The following GALNT7 variants were observed in gnomAD, a reference collection of about 807,000 sequenced individuals.
GALNT7 encodes N-acetylgalactosaminyltransferase 7.
In GALNT7, 60 loss-of-function variants were observed where a neutral mutation model predicts 82.1. That is an observed-to-expected ratio of 0.73 (90% CI 0.59 to 0.91). The LOEUF is 0.91. Ranked by LOEUF, GALNT7 falls within the 40% of genes least tolerant of loss-of-function variation. The pLI, the probability that GALNT7 is intolerant of heterozygous loss-of-function variation, is 0.00. For synonymous variants in GALNT7, 243 were observed against 275.1 expected (o/e 0.88, Z 1.15); for missense variants, 660 against 804.2 (o/e 0.82, Z 2.17).
At chr4:173,231,206 G>A (rs946001409) in intron 1 of GALNT7, among the ~76,000 whole-genome samples, 15 of 152,088 alleles carry the variant, frequency 9.9e-5, no homozygotes, top group Non-Finnish European at 2.1e-4. Flanking sequence ...CACATTGAAG[G>A]AACAAAACAC....
chr4:173,205,304 A>G (rs1579909253), intron 1 of GALNT7, among the ~76,000 whole-genome samples: 1 of 150,884 alleles, frequency 6.6e-6, no homozygotes, highest in African/African-American at 2.4e-5. Flanking sequence ...GTCCTGGGGT[A>G]GGTCTTGAGT....
intron 1 of GALNT7, among the ~76,000 whole-genome samples, chr4:173,220,060 C>G (rs1733594323): frequency 1.3e-5 from 2 of 152,146 alleles, no homozygotes; most frequent in Admixed American, 6.5e-5. Flanking sequence ...GTCATGAAGT[C>G]TTTGCCTAAC....
chr4:173,174,966 T>G, intron 1 of GALNT7, among the ~76,000 whole-genome samples: 1 of 152,238 alleles, frequency 6.6e-6, no homozygotes, highest in South Asian at 2.1e-4. Flanking sequence ...AATAGTAAAT[T>G]GGAGAAAGAG....
chr4:173,190,223 G>A lies in GALNT7; in HGVS notation c.126+21262G>A, dbSNP rs10013780. Among the ~76,000 whole-genome samples the A allele has an allele frequency of 2.8e-3, 431 of 152,220 alleles. 2 individuals are homozygous for A. The highest frequency in any genetic ancestry group is 0.01 in the African/African-American group (416 of 41,532). On this transcript the variant is annotated intron_variant, in intron 1 of 11. Transcript: ENST00000265000. Reference sequence around the variant, plus strand: ...AGTTGCTTTCATCTACGTGGTCTGAGATTTTACTACCATGTCCACATTGCA... The same window carrying A: ...AGTTGCTTTCATCTACGTGGTCTGAAATTTTACTACCATGTCCACATTGCA...
At chr4:173,182,621 G>A (rs1418788825) in intron 1 of GALNT7, among the ~76,000 whole-genome samples, 3 of 151,908 alleles carry the variant, frequency 2.0e-5, no homozygotes, top group Non-Finnish European at 4.4e-5. Flanking sequence ...GGCACACAGC[G>A]TGTTGCCTCT....
chr4:173,233,529 C>G (rs933180808), intron 1 of GALNT7, among the ~76,000 whole-genome samples: 2 of 152,152 alleles, frequency 1.3e-5, no homozygotes, highest in Non-Finnish European at 2.9e-5. Context: ...TTTAACAGAG[C>G]TAAGTCTAAA....
intron 1 of GALNT7, among the ~76,000 whole-genome samples, chr4:173,177,888 A>T (rs1469638340): frequency 2.0e-5 from 3 of 152,152 alleles, no homozygotes; most frequent in Non-Finnish European, 4.4e-5. Context: ...GGAAAAATAC[A>T]AATAGAGAAA....
chr4:173,314,041 A>C lies in GALNT7; in HGVS notation c.1473A>C (p.Pro491=), dbSNP rs763064382. 6.2e-7 allele frequency: 1 copy of C among 1,610,098 alleles called. No individual in the cohort carries two copies. The highest frequency in any genetic ancestry group is 1.1e-5 in the South Asian group (1 of 91,014). ...YASRPESQAL[P]YGDISELKKF... is the part of the protein sequence containing the mutation. ...GTCGTCCTGAATCGCAGGCATTACC[A>C]TATGGGGATATATCGGAGCTGAAAA... Residue 491 remains proline, a synonymous_variant, in exon 9 of 12, where the codon CCA becomes CCC. Transcript: ENST00000265000.
At chr4:173,293,540 T>A (rs1736613385) in intron 3 of GALNT7, among the ~76,000 whole-genome samples, 1 of 151,084 alleles carries the variant, frequency 6.6e-6, no homozygotes, top group Non-Finnish European at 1.5e-5. Context: ...CTTTAAAGAT[T>A]TTTCTTTTAA....
chr4:173,278,162 A>G (rs1334363204), intron 2 of GALNT7, among the ~76,000 whole-genome samples: 1 of 152,272 alleles, frequency 6.6e-6, no homozygotes, highest in Non-Finnish European at 1.5e-5. Flanking sequence ...GCATGGGGCT[A>G]TGAAAAAGAG....
chr4:173,259,804 G>C (rs988355110), intron 2 of GALNT7, among the ~76,000 whole-genome samples: 2 of 151,974 alleles, frequency 1.3e-5, no homozygotes, highest in South Asian at 4.1e-4. Context: ...CGCCCAGCTA[G>C]TTTTTGTATT....
rs70944442 is a variant in GALNT7 at position 173,288,282 on chromosome 4, C to CAAA, written c.588-3805_588-3803dup. 7.0e-4 allele frequency among the ~76,000 whole-genome samples: 44 copies of CAAA among 62,950 alleles called. 2 individuals carry two copies. The highest frequency in any genetic ancestry group is 2.3e-3 in the African/African-American group (26 of 11,454). The allele number at this position is 62,950 out of a possible 152,430, so 41.3% of individuals were successfully genotyped here. ...TGGGCGACAGAGCGAGACTCCATCT[C>CAAA]AAAAAAAAAAAAAAAAAAAAAAAGA... is the stretch of plus-strand genomic sequence containing the variant. On this transcript the variant is annotated intron_variant, in intron 2 of 11. Coordinates refer to ENST00000265000, the MANE Select transcript of GALNT7 (RefSeq NM_017423.3).
intron 1 of GALNT7, among the ~76,000 whole-genome samples, chr4:173,193,298 A>G (rs1054066863): frequency 6.6e-6 from 1 of 152,198 alleles, no homozygotes; most frequent in Non-Finnish European, 1.5e-5. Context: ...TTGTACATAA[A>G]TCATTCTAGA....
intron 1 of GALNT7, among the ~76,000 whole-genome samples, chr4:173,235,639 T>A (rs1182975597): frequency 1.3e-5 from 2 of 150,998 alleles, no homozygotes; most frequent in Non-Finnish European, 2.9e-5. Flanking sequence ...CACTGCATGC[T>A]CCACCGCCCA....
At chr4:173,170,415 G>C (rs935278569) in intron 1 of GALNT7, among the ~76,000 whole-genome samples, 2 of 152,218 alleles carry the variant, frequency 1.3e-5, no homozygotes, top group African/African-American at 4.8e-5. Context: ...AGAATCCTAG[G>C]AGGAGATCCC....
At chr4:173,211,351 A>G (rs1021563053) in intron 1 of GALNT7, among the ~76,000 whole-genome samples, 2 of 152,236 alleles carry the variant, frequency 1.3e-5, no homozygotes, top group Non-Finnish European at 2.9e-5. Context: ...CATAGGTGAT[A>G]TTGACAAGTA....
intron 1 of GALNT7, among the ~76,000 whole-genome samples, chr4:173,241,223 A>AAAAAAAAAAAG (rs3052274): frequency 6.8e-6 from 1 of 146,636 alleles, no homozygotes; most frequent in Non-Finnish European, 1.5e-5. Context: ...AAAAAAAAAA[A>AAAAAAAAAAAG]AAGAAAGAAA....
intron 1 of GALNT7, among the ~76,000 whole-genome samples, chr4:173,213,217 C>T (rs571825169): frequency 3.0e-5 from 3 of 99,362 alleles, no homozygotes; most frequent in Non-Finnish European, 4.8e-5. Context: ...TTACATTCTC[C>T]TCCTTTCTAG....
chr4:173,270,791 CTTTG>C (rs1435136882), intron 2 of GALNT7, among the ~76,000 whole-genome samples: 3 of 152,204 alleles, frequency 2.0e-5, no homozygotes, highest in African/African-American at 7.2e-5. Flanking sequence ...GCTCTTGTAT[CTTTG>C]TTTGTGTTTT....
Sources: allele counts gnomAD v4.1 joint callset (sites outside exome capture counted in the v4.1 genomes callset), GRCh38; gene constraint gnomAD v4.1.1; transcripts MANE v1.5; gene names NCBI Gene and HGNC (gene_info 2026-07-23, HGNC 2026-07-21).